IPCEF1: variants seen among roughly 807,000 people sequenced by gnomAD.
The protein encoded by IPCEF1 is interactor protein for cytohesin exchange factors 1.
IPCEF1 carries 31 observed loss-of-function variants against 50.9 expected under a neutral mutation model. That is an observed-to-expected ratio of 0.61 (90% confidence interval 0.46 to 0.82). The LOEUF (loss-of-function observed/expected upper bound fraction) is 0.82. Among genes scored for constraint, IPCEF1 ranks in the 40% least tolerant of loss-of-function variants. The pLI, the probability that IPCEF1 is intolerant of heterozygous loss-of-function variation, is 0.00. For missense variants in IPCEF1, 458 were observed against 514.0 expected (o/e 0.89, Z 1.05); for synonymous variants, 181 against 192.0 (o/e 0.94, Z 0.47).
chr6:154,318,433 G>A (rs1382441293), intron 1 of IPCEF1, among the ~76,000 whole-genome samples: 3 of 152,012 alleles, frequency 2.0e-5, no homozygotes, highest in Non-Finnish European at 4.4e-5. Context: ...AATAATGTAG[G>A]GTAGGATTCA....
Position 154,195,715 on chromosome 6 carries a change from T to C in IPCEF1, c.910+3953A>G, listed in dbSNP as rs529829838. On this transcript the variant is annotated intron_variant, in intron 10 of 11. Coordinates refer to ENST00000367220, the MANE Select transcript of IPCEF1 (RefSeq NM_001130700.2). ...ACCTATTTTACTCTGCTTTCTTTTG[T>C]TAAATGTGTCTAGTTCCTCCCACTC... is the stretch of plus-strand genomic sequence containing the variant. Among the ~76,000 whole-genome samples the C allele has an allele frequency of 2.3e-3, 355 of 152,270 alleles. 1 individual carries two copies. The highest frequency in any genetic ancestry group is 8.4e-3 in the African/African-American group (348 of 41,548).
At chr6:154,199,028 TTATCA>T (rs1393569275) in intron 10 of IPCEF1, among the ~76,000 whole-genome samples, 7 of 152,250 alleles carry the variant, frequency 4.6e-5, no homozygotes, top group Admixed American at 3.9e-4. Flanking sequence ...CAAGGACCAG[TTATCA>T]GAGTATTTTT....
chr6:154,164,005 T>C (rs1234651289), intron 11 of IPCEF1, among the ~76,000 whole-genome samples: 2 of 152,220 alleles, frequency 1.3e-5, no homozygotes, highest in African/African-American at 4.8e-5. Context: ...TTTCAATATC[T>C]ATGCTTCCAA....
chr6:154,257,566 G>T (rs991649015), intron 3 of IPCEF1, among the ~76,000 whole-genome samples: 1 of 152,122 alleles, frequency 6.6e-6, no homozygotes, highest in African/African-American at 2.4e-5. Flanking sequence ...ACCCTTGAAC[G>T]GAAATCAGTT....
intron 2 of IPCEF1, among the ~76,000 whole-genome samples, chr6:154,282,627 C>T (rs907907188): frequency 4.6e-5 from 7 of 152,094 alleles, no homozygotes; most frequent in African/African-American, 1.7e-4. Flanking sequence ...GCAGAGCTTG[C>T]AGTGAGCCGA....
chr6:154,206,145 A>C (rs933333985), intron 9 of IPCEF1, among the ~76,000 whole-genome samples: 6 of 152,218 alleles, frequency 3.9e-5, no homozygotes, highest in Non-Finnish European at 7.3e-5. Flanking sequence ...ACTCAAATTT[A>C]TCAAGAGGGG....
At chr6:154,311,241 C>T (rs1026327801) in intron 1 of IPCEF1, among the ~76,000 whole-genome samples, 15 of 152,176 alleles carry the variant, frequency 9.9e-5, no homozygotes, top group Non-Finnish European at 1.6e-4. Context: ...TCTTACTAAC[C>T]TCCCTGCAGC....
chr6:154,294,511 C>T (rs1051644699), intron 1 of IPCEF1, among the ~76,000 whole-genome samples: 7 of 152,152 alleles, frequency 4.6e-5, no homozygotes, highest in Admixed American at 3.3e-4. Context: ...AAAGGGGTTT[C>T]CCGAGAACCT....
intron 9 of IPCEF1, among the ~76,000 whole-genome samples, chr6:154,201,050 C>G (rs954391071): frequency 1.3e-5 from 2 of 152,064 alleles, no homozygotes; most frequent in Admixed American, 6.5e-5. Context: ...TTTGGCAGTT[C>G]CCACCTCACT....
intron 9 of IPCEF1, among the ~76,000 whole-genome samples, chr6:154,212,532 TTC>T (rs1286585574): frequency 7.2e-5 from 11 of 152,214 alleles, no homozygotes; most frequent in Non-Finnish European, 1.5e-4. Flanking sequence ...TCCTCATGAA[TTC>T]TCTGAGTACG....
intron 1 of IPCEF1, among the ~76,000 whole-genome samples, chr6:154,313,621 T>A (rs1487402685): frequency 6.6e-6 from 1 of 152,206 alleles, no homozygotes; most frequent in Non-Finnish European, 1.5e-5. Flanking sequence ...TATTAAGGCT[T>A]TACTGTACGG....
chr6:154,234,478 C>T (rs1012601246), intron 5 of IPCEF1, among the ~76,000 whole-genome samples: 1 of 152,230 alleles, frequency 6.6e-6, no homozygotes, highest in Non-Finnish European at 1.5e-5. Context: ...GAAACCTAAA[C>T]CAGGATGCTA....
chr6:154,334,073 A>G (rs150772261), intron 1 of IPCEF1, among the ~76,000 whole-genome samples: 1 of 152,350 alleles, frequency 6.6e-6, no homozygotes, highest in Non-Finnish European at 1.5e-5. Flanking sequence ...GCTAACATTT[A>G]GAGGTCTAGA....
chr6:154,266,352 T>C (rs557950766), intron 2 of IPCEF1, among the ~76,000 whole-genome samples: 2 of 152,076 alleles, frequency 1.3e-5, no homozygotes, highest in East Asian at 1.9e-4. Flanking sequence ...ACCACTGCAC[T>C]CCAGCCTAAG....
chr6:154,169,976 T>C (rs1157231811), intron 10 of IPCEF1, among the ~76,000 whole-genome samples: 2 of 152,182 alleles, frequency 1.3e-5, no homozygotes, highest in African/African-American at 4.8e-5. Flanking sequence ...AGCCAACCCA[T>C]TCTGAGACAC....
At chr6:154,197,133 T>C (rs1236971704) in intron 10 of IPCEF1, among the ~76,000 whole-genome samples, 2 of 152,216 alleles carry the variant, frequency 1.3e-5, no homozygotes, top group African/African-American at 4.8e-5. Context: ...CATGTTAAGA[T>C]TTCTATCCCT....
chr6:154,337,949 T>C (rs1184810173), intron 1 of IPCEF1, among the ~76,000 whole-genome samples: 6 of 152,164 alleles, frequency 3.9e-5, no homozygotes, highest in Admixed American at 1.3e-4. Flanking sequence ...AATACGCCCA[T>C]TGGGGAAACT....
At chr6:154,165,679 A>G (rs530535787) in intron 11 of IPCEF1, among the ~76,000 whole-genome samples, 1 of 152,342 alleles carries the variant, frequency 6.6e-6, no homozygotes, top group East Asian at 1.9e-4. Context: ...CTGGTATTCA[A>G]GGCCTTGTGT....
intron 1 of IPCEF1, among the ~76,000 whole-genome samples, chr6:154,354,045 A>T (rs905711681): frequency 2.6e-5 from 4 of 152,250 alleles, no homozygotes; most frequent in Admixed American, 6.5e-5. Flanking sequence ...GGCTCTGGCA[A>T]CTTGAAAACT....
Sources: gnomAD v4.1 joint callset for allele counts (sites outside exome capture counted in the v4.1 genomes callset) on GRCh38, gnomAD v4.1.1 for gene constraint, MANE v1.5 for transcripts, NCBI Gene and HGNC (gene_info 2026-07-23, HGNC 2026-07-21) for gene names.